RALGAPB: variants seen among roughly 807,000 people sequenced by gnomAD.
RALGAPB encodes Ral GTPase activating protein non-catalytic subunit beta.
A neutral mutation model predicts 161.1 loss-of-function variants in RALGAPB; 25 were observed. The ratio of observed to expected loss-of-function variants is 0.16; its 90% CI spans 0.11 to 0.22. The LOEUF (loss-of-function observed/expected upper bound fraction) is 0.22, where lower values mean the gene tolerates loss of function less well. Among genes scored for constraint, RALGAPB ranks in the 10% least tolerant of loss-of-function variants. The probability of loss-of-function intolerance (pLI) is 1.00; values close to 1 mark genes in which losing one functional copy is unlikely to be tolerated. For missense variants in RALGAPB, 1,391 were observed against 1,815.2 expected (o/e 0.77, Z 4.25); for synonymous variants, 629 against 626.1 (o/e 1.00, Z -0.07).
In RALGAPB at chr20:38,514,198, C is replaced by T. The variant is rs553738734; in HGVS notation, c.873-1994C>T. ...TGTTGGGGAGGGATGAAGGCAACCT[C>T]GGGACAAGCCACTCTGTCATTTGTT... On this transcript the variant is annotated intron_variant, in intron 6 of 29. Transcript: ENST00000262879. Among the ~76,000 whole-genome samples the T allele has an allele frequency of 4.1e-4, 63 of 152,260 alleles. No homozygotes were observed. The East Asian group carries it at 9.8e-3, about 24-fold the overall frequency.
At chr20:38,535,228 AT>A in intron 16 of RALGAPB, 21 bp downstream of exon 16, 1 of 1,613,300 alleles carries the variant, frequency 6.2e-7, no homozygotes, top group African/African-American at 1.3e-5. Flanking sequence ...CAGTCCTTTT[AT>A]TTTAACCCAA....
At position 38,525,916 on chromosome 20, in the gene RALGAPB, A is replaced by C; in HGVS notation, c.1924A>C (p.Ser642Arg). Residue 642 changes from serine (S) to arginine (R), a missense_variant, in exon 13 of 30, where the codon AGT becomes CGT. Physicochemically the swap from Ser to Arg is moderately radical, Grantham distance 110. Around this residue, in one of 3 missense-constraint regions of RALGAPB, gnomAD observed 946 missense variants for 1,257.2 expected, o/e 0.75. Transcript: ENST00000262879. ...ATAGGTGGTCCTGGAAGGAAAGTTTAGTAACGATGACAGCTCTTCTTATGA... is the reference window on the plus strand; with the variant it reads ...ATAGGTGGTCCTGGAAGGAAAGTTTCGTAACGATGACAGCTCTTCTTATGA... ...KSEVVLEGKF[S>R]NDDSSSYDKP... 1.2e-6 allele frequency: 2 copies of C among 1,612,776 alleles called. No individual in the cohort carries two copies. The highest frequency in any genetic ancestry group is 1.7e-4 in the Middle Eastern group (1 of 6,056).
chr20:38,562,680 G>C lies in RALGAPB; in HGVS notation c.3680G>C (p.Gly1227Ala). The change falls in exon 24 of 30, where the codon GGT becomes GCT. Residue 1227 changes from glycine (G) to alanine (A), a missense_variant. This residue lies in a region of RALGAPB where 436 missense variants were observed against 527.0 expected (regional missense o/e 0.83). Transcript: ENST00000262879. ...TGGTCTATTAATTGTTGTGATGATGGTGAAGGATCTCAACAAGGTAAAACT... is the reference window on the plus strand; with the variant it reads ...TGGTCTATTAATTGTTGTGATGATGCTGAAGGATCTCAACAAGGTAAAACT... ...TSWSINCCDD[G>A]EGSQQEVISS... 6.2e-7 allele frequency: 1 copy of C among 1,609,968 alleles called. No individual in the cohort carries two copies. Among genetic ancestry groups the C allele is most frequent in the Non-Finnish European group, 8.5e-7 (1 of 1,178,732 alleles).
At chr20:38,480,974 G>A (rs891867146) in intron 1 of RALGAPB, among the ~76,000 whole-genome samples, 1 of 150,744 alleles carries the variant, frequency 6.6e-6, no homozygotes, top group Non-Finnish European at 1.5e-5. Context: ...CTGACCTCGT[G>A]ATCTGCCCAT....
At position 38,546,373 on chromosome 20, in the gene RALGAPB, G is replaced by A; in HGVS notation, c.2845G>A (p.Val949Ile). 1 of 1,614,078 alleles carries A rather than the reference G, an allele frequency of 6.2e-7. No homozygotes were observed. Among genetic ancestry groups the A allele is most frequent in the Non-Finnish European group, 8.5e-7 (1 of 1,179,976 alleles). The change falls in exon 19 of 30, where the codon GTC (valine) becomes ATC (isoleucine). Residue 949 changes from valine to isoleucine, a missense_variant. Coordinates refer to ENST00000262879, the MANE Select transcript of RALGAPB (RefSeq NM_020336.4). The stretch of plus-strand genomic sequence containing the variant: ...AAACAAGCATAGTTTCCGGTACTTT[G>A]TCTTGGATAACAGTGTCATCCTGGC... ...TINKHSFRYF[V>I]LDNSVILAML...
intron 13 of RALGAPB, among the ~76,000 whole-genome samples, chr20:38,529,494 G>T (rs1181814112): frequency 6.6e-6 from 1 of 150,730 alleles, no homozygotes; most frequent in Non-Finnish European, 1.5e-5. Flanking sequence ...TGCAGCCTGG[G>T]CAATAAGAGC....
chr20:38,512,426 C>A (rs2085988923), intron 6 of RALGAPB, among the ~76,000 whole-genome samples: 2 of 152,224 alleles, frequency 1.3e-5, no homozygotes, highest in Admixed American at 6.5e-5. Flanking sequence ...CTCTGTGCCT[C>A]AGTTTCTTTT....
chr20:38,539,111 T>C (rs1393135268), intron 16 of RALGAPB, among the ~76,000 whole-genome samples: 2 of 152,218 alleles, frequency 1.3e-5, no homozygotes, highest in Non-Finnish European at 2.9e-5. Context: ...AAAATAACTA[T>C]GCTGAGTGAA....
At chr20:38,517,200 C>G (rs2086152380) in intron 7 of RALGAPB, among the ~76,000 whole-genome samples, 1 of 152,160 alleles carries the variant, frequency 6.6e-6, no homozygotes, top group Non-Finnish European at 1.5e-5. Flanking sequence ...TATAATTGGT[C>G]CTTTAAGAAG....
At chr20:38,525,791 A>C (rs2086445375) in intron 12 of RALGAPB, 104 bp from the exon 13 acceptor site, 6 of 1,218,690 alleles carry the variant, frequency 4.9e-6, no homozygotes, top group Non-Finnish European at 6.9e-6. Context: ...TATTAGACTG[A>C]AAGCCTTTCT....
At chr20:38,507,499 A>G (rs1287281482) in intron 5 of RALGAPB, among the ~76,000 whole-genome samples, 1 of 151,794 alleles carries the variant, frequency 6.6e-6, no homozygotes, top group Non-Finnish European at 1.5e-5. Flanking sequence ...TCAGCCTCCC[A>G]TGGCAGCTGG....
chr20:38,484,818 C>G (rs1046483845), intron 1 of RALGAPB, among the ~76,000 whole-genome samples: 5 of 152,284 alleles, frequency 3.3e-5, no homozygotes, highest in Admixed American at 2.6e-4. Flanking sequence ...GCCTCAGCCT[C>G]CTGAGTAGCT....
At chr20:38,501,882 T>C (rs534718207) in intron 5 of RALGAPB, among the ~76,000 whole-genome samples, 12 of 152,120 alleles carry the variant, frequency 7.9e-5, no homozygotes, top group Admixed American at 2.0e-4. Context: ...TTGAAAAAAT[T>C]AAGAAAAAAT....
intron 23 of RALGAPB, 141 bp downstream of exon 23, chr20:38,558,594 G>T (rs905188277): frequency 4.1e-6 from 3 of 735,022 alleles, no homozygotes; most frequent in Non-Finnish European, 6.0e-6. Context: ...GCTGGAAAGT[G>T]CTTCCAAGAA....
chr20:38,543,549 G>A (rs1035729904), intron 18 of RALGAPB, among the ~76,000 whole-genome samples: 1 of 152,132 alleles, frequency 6.6e-6, no homozygotes, highest in African/African-American at 2.4e-5. Context: ...ACCTTGAGTA[G>A]ATCTGTTTCC....
intron 1 of RALGAPB, among the ~76,000 whole-genome samples, chr20:38,487,963 C>T (rs546681073): frequency 2.0e-5 from 3 of 152,104 alleles, no homozygotes; most frequent in East Asian, 3.9e-4. Flanking sequence ...CTACTCAGGA[C>T]GCTGAGGCAG....
chr20:38,485,532 T>A (rs981325500), intron 1 of RALGAPB, among the ~76,000 whole-genome samples: 1 of 152,070 alleles, frequency 6.6e-6, no homozygotes, highest in African/African-American at 2.4e-5. Context: ...GGTTCAAGCC[T>A]CTCCTGCCTC....
intron 20 of RALGAPB, 90 bp from the exon 21 acceptor site, chr20:38,550,981 C>G: frequency 7.0e-7 from 1 of 1,420,000 alleles, no homozygotes; most frequent in South Asian, 1.4e-5. Context: ...CCTAGGGAAA[C>G]ACAGGCATCT....
chr20:38,487,768 A>G (rs978550057), intron 1 of RALGAPB, among the ~76,000 whole-genome samples: 1 of 152,200 alleles, frequency 6.6e-6, no homozygotes, highest in Non-Finnish European at 1.5e-5. Flanking sequence ...AAGACCTATC[A>G]TAACAAATGT....
Sources: gnomAD v4.1 joint callset for allele counts (sites outside exome capture counted in the v4.1 genomes callset) on GRCh38, gnomAD v4.1.1 for gene constraint, gnomAD v4.1.1 regional missense constraint, MANE v1.5 for transcripts, NCBI Gene and HGNC (gene_info 2026-07-23, HGNC 2026-07-21) for gene names.